Variants in COLEC10 observed in about 807,000 individuals in gnomAD.
The protein encoded by COLEC10 is collectin-10.
In COLEC10, 22 loss-of-function variants were observed where a neutral mutation model predicts 28.4. The observed-to-expected ratio is 0.78, with a 90% CI of 0.55 to 1.11. The LOEUF (loss-of-function observed/expected upper bound fraction) is 1.11. COLEC10 is among the 50% of genes least tolerant of loss of function. The pLI is 0.00. For synonymous variants in COLEC10, 125 were observed against 116.1 expected, an observed-to-expected ratio of 1.08 and a Z score of -0.49; for missense variants, 361 against 344.1, an observed-to-expected ratio of 1.05 and a Z score of -0.39.
chr8:119,074,241 C>G (rs1180676029), intron 1 of COLEC10, among the ~76,000 whole-genome samples: 1 of 151,876 alleles, frequency 6.6e-6, no homozygotes, highest in Non-Finnish European at 1.5e-5. Flanking sequence ...AACAGGGGAA[C>G]TATAGCCAGT....
chr8:119,051,503 G>T lies in COLEC10; in HGVS notation n.236-38177G>T, dbSNP rs370769376. On this transcript the variant is annotated intron_variant and non_coding_transcript_variant, in intron 2 of 6. Transcript: ENST00000521788. ...AGCAACAAAAATATCCTGCCTGGGGGACCAAAGTGTAAGTCTGAGACTTGA... is the reference window on the plus strand; with the variant it reads ...AGCAACAAAAATATCCTGCCTGGGGTACCAAAGTGTAAGTCTGAGACTTGA... Among the ~76,000 whole-genome samples, 55 of 152,238 alleles carry T rather than the reference G, an allele frequency of 3.6e-4. 1 individual carries two copies. In the South Asian group the frequency reaches 0.011, roughly 30 times the overall value.
intron 1 of COLEC10, chr8:119,068,886 G>C (rs1259003706): frequency 6.6e-6 from 1 of 151,696 alleles, no homozygotes; most frequent in Non-Finnish European, 1.5e-5. Context: ...TCTTCATCCA[G>C]AGCCTGGAAA....
intron 2 of COLEC10, among the ~76,000 whole-genome samples, chr8:119,024,159 G>A (rs1465237829): frequency 1.3e-5 from 2 of 152,212 alleles, no homozygotes; most frequent in African/African-American, 4.8e-5. Flanking sequence ...GTGGCAGTAT[G>A]CTTTTGGTGA....
At chr8:118,994,574 G>C (rs746298781), upstream of COLEC10, among the ~76,000 whole-genome samples, 43 of 152,128 alleles carry the variant, frequency 2.8e-4, no homozygotes, top group Non-Finnish European at 5.9e-4. Context: ...AACAAAGTCG[G>C]CCAGAGGTTA....
At chr8:118,962,636 C>G in the COLEC10 span, among the ~76,000 whole-genome samples, 6 of 152,090 alleles carry the variant, frequency 3.9e-5, no homozygotes, top group African/African-American at 1.4e-4. Context: ...GAGATCTACT[C>G]TCTTAAAAAA....
chr8:118,957,294 C>A, the COLEC10 span, among the ~76,000 whole-genome samples: 1 of 152,190 alleles, frequency 6.6e-6, no homozygotes, highest in East Asian at 1.9e-4. Flanking sequence ...GAAATAAACT[C>A]TTCGGATGGT....
chr8:118,978,493 G>A, the COLEC10 span, among the ~76,000 whole-genome samples: 2 of 151,934 alleles, frequency 1.3e-5, no homozygotes, highest in Non-Finnish European at 2.9e-5. Flanking sequence ...ATGACAGCCT[G>A]TCAAACATTG....
At chr8:119,015,869 T>C (rs1287584921) in intron 2 of COLEC10, among the ~76,000 whole-genome samples, 4 of 152,124 alleles carry the variant, frequency 2.6e-5, no homozygotes, top group African/African-American at 9.7e-5. Context: ...ATGGCCAAGC[T>C]TTGCTTTATA....
chr8:119,031,179 C>T (rs1563722355), intron 2 of COLEC10, among the ~76,000 whole-genome samples: 1 of 152,096 alleles, frequency 6.6e-6, no homozygotes, highest in South Asian at 2.1e-4. Context: ...GTACATAGAC[C>T]AAATGAAATA....
At chr8:119,068,917 A>G (rs1815029091) in intron 1 of COLEC10, 1 of 151,820 alleles carries the variant, frequency 6.6e-6, no homozygotes, top group African/African-American at 2.4e-5. Context: ...TGGACTCCAA[A>G]TTTTATTTTT....
chr8:119,092,863 G>C (rs1815636544), intron 3 of COLEC10, among the ~76,000 whole-genome samples: 1 of 152,044 alleles, frequency 6.6e-6, no homozygotes, highest in African/African-American at 2.4e-5. Context: ...CCAAGATCAT[G>C]TCACTGCACT....
chr8:119,049,771 T>C (rs1292159998), intron 2 of COLEC10, among the ~76,000 whole-genome samples: 1 of 152,172 alleles, frequency 6.6e-6, no homozygotes, highest in Non-Finnish European at 1.5e-5. Context: ...AGAGGAACAT[T>C]AAGTCATCTT....
At chr8:119,010,856 C>T (rs1236752662) in intron 2 of COLEC10, among the ~76,000 whole-genome samples, 1 of 150,992 alleles carries the variant, frequency 6.6e-6, no homozygotes, top group African/African-American at 2.5e-5. Flanking sequence ...TGTTAGCTTT[C>T]TTATTGTTGA....
At chr8:119,102,193 G>A (rs758567441) in intron 3 of COLEC10, among the ~76,000 whole-genome samples, 155 bp from the exon 4 acceptor site, 26 of 151,190 alleles carry the variant, frequency 1.7e-4, no homozygotes, top group East Asian at 3.9e-4. Flanking sequence ...TTTGACTCTA[G>A]ATGTAAATTC....
At chr8:119,008,922 T>C (rs1182898278) in intron 1 of COLEC10, among the ~76,000 whole-genome samples, 2 of 151,092 alleles carry the variant, frequency 1.3e-5, no homozygotes, top group Admixed American at 6.6e-5. Flanking sequence ...AGGCACCCAA[T>C]AGCAATTCCT....
At chr8:119,042,929 TC>T (rs1814524039) in intron 2 of COLEC10, among the ~76,000 whole-genome samples, 1 of 152,084 alleles carries the variant, frequency 6.6e-6, no homozygotes, top group African/African-American at 2.4e-5. Flanking sequence ...GAAGAAGCAA[TC>T]CTGCTTCTGA....
intron 2 of COLEC10, among the ~76,000 whole-genome samples, chr8:119,017,129 C>A (rs1353303490): frequency 1.3e-5 from 2 of 152,060 alleles, no homozygotes; most frequent in Non-Finnish European, 2.9e-5. Context: ...ATATGGGAAA[C>A]TGGGACTTTT....
chr8:119,057,658 G>A (rs1255467283), intron 2 of COLEC10, among the ~76,000 whole-genome samples: 1 of 152,002 alleles, frequency 6.6e-6, no homozygotes, highest in Non-Finnish European at 1.5e-5. Flanking sequence ...CTGATAAATA[G>A]TACTATATAG....
At chr8:119,038,945 T>C (rs1366658120) in intron 2 of COLEC10, among the ~76,000 whole-genome samples, 4 of 152,158 alleles carry the variant, frequency 2.6e-5, no homozygotes, top group African/African-American at 7.2e-5. Flanking sequence ...ATTACTATTA[T>C]ACATAGAATT....
Sources: gnomAD v4.1 joint callset for allele counts (sites outside exome capture counted in the v4.1 genomes callset) on GRCh38, gnomAD v4.1.1 for gene constraint, MANE v1.5 for transcripts, NCBI Gene and HGNC (gene_info 2026-07-23, HGNC 2026-07-21) for gene names.